The following EVI5 variants were observed in gnomAD, a reference collection of about 807,000 sequenced individuals.
The protein encoded by EVI5 is ecotropic viral integration site 5 protein homolog.
A neutral mutation model predicts 112.0 loss-of-function variants in EVI5; 73 were observed. That is an observed-to-expected ratio of 0.65 (90% CI 0.54 to 0.79). EVI5 has a LOEUF of 0.79. EVI5 is among the 30% of genes least tolerant of loss of function. EVI5 has a pLI of 0.00. For missense variants in EVI5, 900 were observed against 968.8 expected (o/e 0.93, Z 0.94); for synonymous variants, 305 against 319.9 (o/e 0.95, Z 0.50).
chr1:92,603,881 C>T (rs964355798), intron 18 of EVI5, among the ~76,000 whole-genome samples: 1 of 151,934 alleles, frequency 6.6e-6, no homozygotes, highest in Non-Finnish European at 1.5e-5. Flanking sequence ...ACTATAGGTG[C>T]ACCACCAGGT....
At chr1:92,789,219 T>C (rs1485233267), upstream of EVI5, among the ~76,000 whole-genome samples, 5 of 152,204 alleles carry the variant, frequency 3.3e-5, no homozygotes, top group African/African-American at 9.6e-5. Flanking sequence ...GTTTGTGGTT[T>C]CATTTTATTT....
At chr1:92,583,563 G>A (rs1407137024) in intron 18 of EVI5, among the ~76,000 whole-genome samples, 5 of 144,594 alleles carry the variant, frequency 3.5e-5, no homozygotes, top group African/African-American at 1.0e-4. Context: ...ACCTTCATCA[G>A]TTACATAAAG....
chr1:92,647,649 T>G (rs1661219790), intron 13 of EVI5: 1 of 326,310 alleles, frequency 3.1e-6, no homozygotes, highest in South Asian at 4.5e-5. Flanking sequence ...CCATCCTGAC[T>G]AAATTGCTTC....
chr1:92,704,381 T>A (rs1671660491), intron 3 of EVI5, among the ~76,000 whole-genome samples, 174 bp downstream of exon 3: 1 of 152,206 alleles, frequency 6.6e-6, no homozygotes, highest in African/African-American at 2.4e-5. Flanking sequence ...CTGTAACAAC[T>A]GATGTCTACA....
At chr1:92,591,862 A>C (rs1165953895) in intron 18 of EVI5, among the ~76,000 whole-genome samples, 1 of 152,224 alleles carries the variant, frequency 6.6e-6, no homozygotes, top group African/African-American at 2.4e-5. Context: ...GTTGGAAGTA[A>C]AGCACTCCTC....
At chr1:92,617,095 C>A (rs1451459953) in intron 16 of EVI5, among the ~76,000 whole-genome samples, 1 of 152,214 alleles carries the variant, frequency 6.6e-6, no homozygotes, top group Non-Finnish European at 1.5e-5. Flanking sequence ...GCCTGGTTCA[C>A]AGATGGTTCT....
intron 2 of EVI5, among the ~76,000 whole-genome samples, chr1:92,708,184 T>C (rs1410300810): frequency 6.6e-6 from 1 of 151,830 alleles, no homozygotes; most frequent in Non-Finnish European, 1.5e-5. Context: ...TTGTACTTTA[T>C]TGGCTACCAC....
At chr1:92,528,309 A>G (rs1320778768) in intron 19 of EVI5, among the ~76,000 whole-genome samples, 1 of 152,180 alleles carries the variant, frequency 6.6e-6, no homozygotes, top group Admixed American at 6.5e-5. Context: ...ATGTCTACAC[A>G]CTTTATACCT....
At chr1:92,716,576 G>A (rs543315408) in intron 2 of EVI5, among the ~76,000 whole-genome samples, 7 of 152,224 alleles carry the variant, frequency 4.6e-5, no homozygotes, top group South Asian at 4.1e-4. Flanking sequence ...CCAAAGGATC[G>A]CAGCTCCTCG....
intron 16 of EVI5, among the ~76,000 whole-genome samples, chr1:92,612,272 A>C (rs1320662430): frequency 6.6e-6 from 1 of 152,156 alleles, no homozygotes; most frequent in African/African-American, 2.4e-5. Context: ...TCCAATAAAG[A>C]GGAGGAAAGG....
At chr1:92,659,610 A>G (rs1409476919) in intron 13 of EVI5, among the ~76,000 whole-genome samples, 5 of 152,134 alleles carry the variant, frequency 3.3e-5, no homozygotes, top group Non-Finnish European at 7.4e-5. Context: ...GAGGATGTGG[A>G]AAAAGGAGGA....
intron 10 of EVI5, among the ~76,000 whole-genome samples, chr1:92,673,449 A>T (rs933004068): frequency 4.0e-5 from 6 of 151,882 alleles, no homozygotes; most frequent in Non-Finnish European, 7.4e-5. Context: ...TTCCTTTTTA[A>T]AGATTTGTGG....
chr1:92,720,760 CT>C (rs1311518741), intron 2 of EVI5, among the ~76,000 whole-genome samples: 1 of 152,048 alleles, frequency 6.6e-6, no homozygotes. Context: ...GGGAAAAAAT[CT>C]TTGCAATCTA....
intron 6 of EVI5, among the ~76,000 whole-genome samples, chr1:92,696,900 C>T (rs568020798): frequency 4.6e-5 from 7 of 151,848 alleles, no homozygotes; most frequent in East Asian, 3.9e-4. Flanking sequence ...ATTAGCTGGG[C>T]GTGGTGGCAG....
intron 18 of EVI5, among the ~76,000 whole-genome samples, chr1:92,589,916 G>A (rs1453182172): frequency 3.3e-5 from 5 of 152,298 alleles, no homozygotes; most frequent in African/African-American, 1.2e-4. Context: ...CTGAGACAAA[G>A]CTTCCAGAGG....
chr1:92,605,243 G>T, intron 18 of EVI5, 64 bp downstream of exon 18: 2 of 1,071,748 alleles, frequency 1.9e-6, no homozygotes, highest in Non-Finnish European at 1.4e-6. Flanking sequence ...GTAAGTTACT[G>T]TTCAGACAAA....
At chr1:92,653,690 T>G (rs1662533859) in intron 13 of EVI5, among the ~76,000 whole-genome samples, 1 of 152,132 alleles carries the variant, frequency 6.6e-6, no homozygotes, top group African/African-American at 2.4e-5. Context: ...GTGCAAAAGG[T>G]GGGACCCCCT....
chr1:92,656,851 A>G (rs948182216), intron 13 of EVI5, among the ~76,000 whole-genome samples: 6 of 152,202 alleles, frequency 3.9e-5, no homozygotes, highest in African/African-American at 1.4e-4. Context: ...GAAATCCTAA[A>G]AAGACTAATA....
intron 18 of EVI5, among the ~76,000 whole-genome samples, chr1:92,567,104 G>T (rs562572673): frequency 6.6e-6 from 1 of 152,022 alleles, no homozygotes; most frequent in Non-Finnish European, 1.5e-5. Flanking sequence ...GAGCCACCAC[G>T]CTCGGCCATG....
Sources: allele counts gnomAD v4.1 joint callset (sites outside exome capture counted in the v4.1 genomes callset), GRCh38; gene constraint gnomAD v4.1.1; transcripts MANE v1.5; gene names NCBI Gene and HGNC (gene_info 2026-07-23, HGNC 2026-07-21).